OR2L13: variants seen among roughly 807,000 people sequenced by gnomAD.
The protein encoded by OR2L13 is olfactory receptor family 2 subfamily L member 13.
Under a neutral mutation model 15.3 loss-of-function variants are expected in OR2L13, and 14 were observed. That is an observed-to-expected ratio of 0.91 (90% CI 0.60 to 1.43). OR2L13 has a LOEUF of 1.43. Among genes scored for constraint, OR2L13 ranks in the 40% most tolerant of loss-of-function variants. The pLI is 0.00. For missense variants in OR2L13, 367 were observed against 387.9 expected, an observed-to-expected ratio of 0.95 and a Z score of 0.45; for synonymous variants, 152 against 142.9, an observed-to-expected ratio of 1.06 and a Z score of -0.45.
chr1:247,945,773 C>T, the OR2L13 span, among the ~76,000 whole-genome samples: 3 of 151,964 alleles, frequency 2.0e-5, no homozygotes, highest in African/African-American at 7.3e-5. Flanking sequence ...CTTTTTTGAC[C>T]TTTGTTGGTT....
chr1:248,003,026 GAA>G, the OR2L13 span: 5 of 688,914 alleles, frequency 7.3e-6, no homozygotes, highest in Non-Finnish European at 1.0e-5. Context: ...CTCAATTTCA[GAA>G]CTTGTTATTG....
the OR2L13 span, among the ~76,000 whole-genome samples, chr1:248,030,844 CAAT>C: frequency 6.6e-5 from 10 of 152,054 alleles, no homozygotes; most frequent in Admixed American, 3.9e-4. Context: ...TGGAGATAGT[CAAT>C]AAAAGTTCAT....
the OR2L13 span, among the ~76,000 whole-genome samples, chr1:248,036,513 C>T: frequency 6.6e-6 from 1 of 152,058 alleles, no homozygotes; most frequent in Non-Finnish European, 1.5e-5. Context: ...TGTATTGATC[C>T]TTAAGTGAGT....
the OR2L13 span, among the ~76,000 whole-genome samples, chr1:247,947,339 T>C: frequency 6.6e-6 from 1 of 152,240 alleles, no homozygotes; most frequent in Non-Finnish European, 1.5e-5. Flanking sequence ...TGTGTGTGTT[T>C]GCACACTGGG....
At chr1:247,984,165 T>A in the OR2L13 span, among the ~76,000 whole-genome samples, 1 of 151,912 alleles carries the variant, frequency 6.6e-6, no homozygotes, top group African/African-American at 2.4e-5. Flanking sequence ...GTGGAGACAG[T>A]AAAGGATATA....
chr1:248,076,445 C>T, the OR2L13 span, among the ~76,000 whole-genome samples: 6,237 of 152,212 alleles, frequency 0.041, 425 homozygotes, highest in African/African-American at 0.14. Context: ...GCAGTATGGC[C>T]ATTTTCATGG....
the OR2L13 span, among the ~76,000 whole-genome samples, chr1:248,075,736 G>T: frequency 6.6e-6 from 1 of 152,094 alleles, no homozygotes; most frequent in African/African-American, 2.4e-5. Flanking sequence ...TGAGTTCTTT[G>T]TATATTCTGG....
At chr1:248,008,460 G>T in the OR2L13 span, among the ~76,000 whole-genome samples, 5,651 of 151,978 alleles carry the variant, frequency 0.037, 313 homozygotes, top group African/African-American at 0.13. Context: ...GTATCAATTT[G>T]TTTCCTAGAC....
At chr1:248,000,145 T>A in the OR2L13 span, among the ~76,000 whole-genome samples, 2 of 151,268 alleles carry the variant, frequency 1.3e-5, no homozygotes, top group African/African-American at 4.9e-5. Flanking sequence ...TGTGTGTAAA[T>A]CCAGTTTTTC....
the OR2L13 span, among the ~76,000 whole-genome samples, chr1:248,002,782 C>T: frequency 1.3e-5 from 2 of 150,696 alleles, no homozygotes; most frequent in Admixed American, 1.3e-4. Flanking sequence ...GGCGGGAACC[C>T]GGGAGGCAGA....
At chr1:248,077,959 GA>G in the OR2L13 span, among the ~76,000 whole-genome samples, 1 of 151,962 alleles carries the variant, frequency 6.6e-6, no homozygotes, top group African/African-American at 2.4e-5. Context: ...AGTCAACAGT[GA>G]AAATAAATGA....
the OR2L13 span, among the ~76,000 whole-genome samples, chr1:248,073,762 A>G: frequency 6.6e-6 from 1 of 151,922 alleles, no homozygotes; most frequent in Non-Finnish European, 1.5e-5. Flanking sequence ...AAAAAAATAA[A>G]TATTATAGAA....
chr1:247,974,005 A>G, the OR2L13 span, among the ~76,000 whole-genome samples: 1,119 of 152,334 alleles, frequency 7.3e-3, 9 homozygotes, highest in African/African-American at 0.024. Flanking sequence ...ACTATTTACA[A>G]TAGCTAAGGC....
chr1:248,073,854 G>A, the OR2L13 span, among the ~76,000 whole-genome samples: 1 of 151,598 alleles, frequency 6.6e-6, no homozygotes, highest in Admixed American at 6.6e-5. Context: ...ATTGACACAT[G>A]GACTAATATA....
chr1:248,076,567 T>G, the OR2L13 span, among the ~76,000 whole-genome samples: 1 of 152,208 alleles, frequency 6.6e-6, no homozygotes, highest in African/African-American at 2.4e-5. Context: ...TTCATATCCC[T>G]TGTAAGTTGG....
At chr1:248,020,580 T>C in the OR2L13 span, among the ~76,000 whole-genome samples, 6 of 152,048 alleles carry the variant, frequency 3.9e-5, no homozygotes, top group Admixed American at 2.0e-4. Context: ...AACTGGAGAA[T>C]TGTGAAACTG....
At chr1:248,023,866 A>G in the OR2L13 span, 1 of 152,162 alleles carries the variant, frequency 6.6e-6, no homozygotes, top group East Asian at 1.9e-4. Flanking sequence ...GCATTATACA[A>G]CTTTCCATAA....
At chr1:247,998,457 G>C in the OR2L13 span, among the ~76,000 whole-genome samples, 2 of 151,948 alleles carry the variant, frequency 1.3e-5, no homozygotes, top group African/African-American at 4.8e-5. Context: ...GTTTTTGTTT[G>C]ATTTATTTTG....
chr1:247,964,935 G>T, the OR2L13 span, among the ~76,000 whole-genome samples: 1 of 148,728 alleles, frequency 6.7e-6, no homozygotes, highest in African/African-American at 2.5e-5. Flanking sequence ...TTATAGATAC[G>T]TGTATATAAA....
Sources: gnomAD v4.1 joint callset for allele counts (sites outside exome capture counted in the v4.1 genomes callset) on GRCh38, gnomAD v4.1.1 for gene constraint, MANE v1.5 for transcripts, NCBI Gene and HGNC (gene_info 2026-07-23, HGNC 2026-07-21) for gene names.